KANSL1: variants seen among roughly 807,000 people sequenced by gnomAD.
KANSL1 encodes KAT8 regulatory NSL complex subunit 1.
Under a neutral mutation model 103.6 loss-of-function variants are expected in KANSL1, and 22 were observed. That is an observed-to-expected ratio of 0.21 (90% CI 0.15 to 0.30). The LOEUF is 0.30. Among genes scored for constraint, KANSL1 ranks in the 10% least tolerant of loss-of-function variants. KANSL1 has a pLI of 1.00. For missense variants in KANSL1, 1,337 were observed against 1,399.8 expected (o/e 0.96, Z 0.72); for synonymous variants, 600 against 527.6 (o/e 1.14, Z -1.88).
chr17:46,031,751 G>T, intron 14 of KANSL1, 48 bp from the exon 15 acceptor site: 1 of 1,501,994 alleles, frequency 6.7e-7, no homozygotes, highest in Non-Finnish European at 9.1e-7. Context: ...CAGCCAGCCT[G>T]CTTCCTGCTC....
intron 2 of KANSL1, among the ~76,000 whole-genome samples, chr17:46,150,948 C>CGAGT (rs2045061366): frequency 7.0e-6 from 1 of 143,796 alleles, no homozygotes; most frequent in Non-Finnish European, 1.5e-5. Context: ...AAAAAAAACA[C>CGAGT]GAGTATCTTG....
At chr17:46,069,923 G>A (rs2078516156) in intron 4 of KANSL1, among the ~76,000 whole-genome samples, 1 of 151,474 alleles carries the variant, frequency 6.6e-6, no homozygotes, top group Admixed American at 6.6e-5. Flanking sequence ...TGGATATCCT[G>A]TACATCTACT....
chr17:46,214,638 A>G lies in KANSL1; in HGVS notation c.-90+9033T>C, dbSNP rs2048283362. Among the ~76,000 whole-genome samples, 4 of 152,380 alleles carry G rather than the reference A, an allele frequency of 2.6e-5. No homozygotes were observed. In the South Asian group the frequency reaches 8.3e-4, roughly 32 times the overall value. On this transcript the variant is annotated intron_variant, in intron 1 of 14. Transcript: ENST00000572904. ...CGTTGCGCTCCAGCCTGGGCAACAA[A>G]GAGCGAAATTCCGTCTCAAAAAAAA...
At chr17:46,033,248 C>A in intron 12 of KANSL1, 56 bp from the exon 13 acceptor site, 1 of 1,469,070 alleles carries the variant, frequency 6.8e-7, no homozygotes, top group Non-Finnish European at 9.4e-7. Flanking sequence ...AAGAACCAGT[C>A]CCACCCCATT....
chr17:46,032,672 T>C (rs539917558), intron 13 of KANSL1: 282 of 318,710 alleles, frequency 8.8e-4, no homozygotes, highest in African/African-American at 5.8e-3. Context: ...TAACAATAAA[T>C]GGAGACAGGG....
intron 4 of KANSL1, among the ~76,000 whole-genome samples, chr17:46,071,991 C>T (rs1209368767): frequency 1.3e-5 from 2 of 149,644 alleles, no homozygotes; most frequent in Non-Finnish European, 3.0e-5. Flanking sequence ...CACCCCTCCC[C>T]CCGCCCCGAT....
chr17:46,172,514 T>C (rs1387322452), intron 1 of KANSL1, among the ~76,000 whole-genome samples: 6 of 152,114 alleles, frequency 3.9e-5, no homozygotes, highest in Non-Finnish European at 5.9e-5. Flanking sequence ...TCAGAGAAAA[T>C]CACAGATTGT....
At chr17:46,180,864 T>C (rs545921198) in intron 1 of KANSL1, among the ~76,000 whole-genome samples, 32 of 152,242 alleles carry the variant, frequency 2.1e-4, no homozygotes, top group East Asian at 3.9e-4. Flanking sequence ...CATATATATA[T>C]ACACACACAT....
intron 1 of KANSL1, among the ~76,000 whole-genome samples, chr17:46,207,920 G>A (rs2048026588): frequency 6.6e-6 from 1 of 152,172 alleles, no homozygotes; most frequent in African/African-American, 2.4e-5. Context: ...AGACCAGCCT[G>A]GCCAACATGG....
intron 2 of KANSL1, among the ~76,000 whole-genome samples, chr17:46,158,408 G>A (rs2147583405): frequency 6.6e-6 from 1 of 151,798 alleles, no homozygotes; most frequent in South Asian, 2.1e-4. Flanking sequence ...CGCCCAGCTG[G>A]AGTGCGGTGG....
chr17:46,082,048 G>A (rs2146822030), intron 4 of KANSL1, among the ~76,000 whole-genome samples: 1 of 152,260 alleles, frequency 6.6e-6, no homozygotes, highest in Non-Finnish European at 1.5e-5. Context: ...ACCATTTTCA[G>A]TGTTCTTGTG....
chr17:46,218,199 A>G (rs1482914378), intron 1 of KANSL1, among the ~76,000 whole-genome samples: 2 of 152,244 alleles, frequency 1.3e-5, no homozygotes, highest in Non-Finnish European at 2.9e-5. Flanking sequence ...AATTTCTGTT[A>G]TTTAAGCCAC....
chr17:46,060,293 A>G (rs963291813), intron 6 of KANSL1, among the ~76,000 whole-genome samples: 9 of 152,226 alleles, frequency 5.9e-5, no homozygotes, highest in African/African-American at 2.2e-4. Context: ...CACTGTTAAC[A>G]TGTGGAAAGA....
Position 46,172,189 on chromosome 17 carries a change from C to T in KANSL1, c.-46G>A, listed in dbSNP as rs760210355. 74 of 1,561,362 alleles carry T rather than the reference C, an allele frequency of 4.7e-5. No individual in the cohort carries two copies. Among genetic ancestry groups the T allele is most frequent in the Admixed American group, 9.0e-5 (5 of 55,680 alleles). ...GTCCAGCCTCTCCCGATGCCGAGGC[C>T]GAGGCCAGCTCCACGGCCCCTTACT... On this transcript the variant is annotated 5_prime_UTR_variant, in exon 2 of 15. Coordinates refer to ENST00000432791, the MANE Select transcript of KANSL1 (RefSeq NM_015443.4).
At chr17:46,172,457 T>C (rs1430365395) in intron 1 of KANSL1, among the ~76,000 whole-genome samples, 1 of 152,222 alleles carries the variant, frequency 6.6e-6, no homozygotes, top group African/African-American at 2.4e-5. Flanking sequence ...GCACCCTTCT[T>C]GTCATTTGTT....
chr17:46,213,025 C>T (rs1472055644), intron 1 of KANSL1, among the ~76,000 whole-genome samples: 1 of 152,190 alleles, frequency 6.6e-6, no homozygotes, highest in African/African-American at 2.4e-5. Context: ...TCTTGGCCGA[C>T]AAACTTTCTG....
intron 1 of KANSL1, among the ~76,000 whole-genome samples, chr17:46,211,227 C>CA (rs574672233): frequency 0.033 from 3,380 of 102,326 alleles, 147 homozygotes; most frequent in African/African-American, 0.11. Context: ...ATGTTCTATG[C>CA]AAAAAAAAAA....
chr17:46,109,112 G>A (rs117754181), intron 2 of KANSL1, among the ~76,000 whole-genome samples: 5,216 of 152,122 alleles, frequency 0.034, 134 homozygotes, highest in Non-Finnish European at 0.052. Context: ...ACCACGCCCA[G>A]CTAATTTTAT....
chr17:46,081,061 A>G (rs1337851772), intron 4 of KANSL1, among the ~76,000 whole-genome samples: 1 of 151,924 alleles, frequency 6.6e-6, no homozygotes, highest in East Asian at 1.9e-4. Flanking sequence ...TGTACAAGTG[A>G]ATCTGTATAA....
Sources: gnomAD v4.1 joint callset for allele counts (sites outside exome capture counted in the v4.1 genomes callset) on GRCh38, gnomAD v4.1.1 for gene constraint, MANE v1.5 for transcripts, NCBI Gene and HGNC (gene_info 2026-07-23, HGNC 2026-07-21) for gene names.